SNX29: variants seen among roughly 807,000 people sequenced by gnomAD.
The protein encoded by SNX29 is sorting nexin-29.
A neutral mutation model predicts 102.1 loss-of-function variants in SNX29; 78 were observed. The ratio of observed to expected loss-of-function variants is 0.76; its 90% CI spans 0.64 to 0.92. The LOEUF (loss-of-function observed/expected upper bound fraction) is 0.92, where lower values mean the gene tolerates loss of function less well. Ranked by LOEUF, SNX29 falls within the 40% of genes least tolerant of loss-of-function variation. SNX29 has a pLI of 0.00. For missense variants in SNX29, 1,280 were observed against 1,061.7 expected, an observed-to-expected ratio of 1.21 and a Z score of -2.86; for synonymous variants, 580 against 414.5, an observed-to-expected ratio of 1.40 and a Z score of -4.85.
intron 20 of SNX29, among the ~76,000 whole-genome samples, chr16:12,537,045 C>A (rs546140321): frequency 6.6e-6 from 1 of 152,312 alleles, no homozygotes; most frequent in East Asian, 1.9e-4. Context: ...CAAGCACATT[C>A]ACTGAGCATA....
intron 18 of SNX29, among the ~76,000 whole-genome samples, chr16:12,432,351 G>T (rs910403423): frequency 6.6e-6 from 1 of 152,188 alleles, no homozygotes; most frequent in African/African-American, 2.4e-5. Flanking sequence ...ATGCATTTTT[G>T]GGGTCCAGGC....
intron 13 of SNX29, among the ~76,000 whole-genome samples, chr16:12,130,332 G>C (rs568504062): frequency 6.6e-6 from 1 of 151,628 alleles, no homozygotes; most frequent in African/African-American, 2.4e-5. Flanking sequence ...AAAATTAGCC[G>C]GGAGTGGTGA....
At chr16:12,380,870 T>C (rs867499256) in intron 16 of SNX29, among the ~76,000 whole-genome samples, 62 of 12,246 alleles carry the variant, frequency 5.1e-3, no homozygotes, top group East Asian at 0.012. Context: ...ACCCACCATC[T>C]ATCCATCCAC....
In SNX29 at chr16:12,020,185, C is replaced by T. The variant is rs182911630; in HGVS notation, c.123-7135C>T. On this transcript the variant is annotated intron_variant, in intron 3 of 20. Transcript: ENST00000566228. Reference sequence around the variant, plus strand: ...TCACCCATGCTAAAGTGCAGTGGTGCGATCCCGGCTCACTGTAGCCTCCGC... The same window carrying T: ...TCACCCATGCTAAAGTGCAGTGGTGTGATCCCGGCTCACTGTAGCCTCCGC... 2.2e-4 allele frequency among the ~76,000 whole-genome samples: 34 copies of T among 151,460 alleles called. No homozygotes were observed. In the East Asian group the frequency reaches 3.9e-3, roughly 17 times the overall value.
chr16:12,562,730 G>T (rs12929953), intron 20 of SNX29, among the ~76,000 whole-genome samples: 2 of 152,026 alleles, frequency 1.3e-5, no homozygotes, highest in Non-Finnish European at 2.9e-5. Context: ...ACTGTTTCTC[G>T]CTTTTATGGC....
chr16:12,068,639 G>A (rs1204062166), intron 9 of SNX29, among the ~76,000 whole-genome samples: 1 of 152,168 alleles, frequency 6.6e-6, no homozygotes, highest in East Asian at 1.9e-4. Context: ...CTACCTCCAG[G>A]GTTCAAGCGA....
intron 15 of SNX29, among the ~76,000 whole-genome samples, chr16:12,309,595 C>T (rs996036274): frequency 2.0e-5 from 3 of 152,134 alleles, no homozygotes; most frequent in African/African-American, 7.2e-5. Flanking sequence ...GTCCCAGAGC[C>T]CAATGTGGCA....
chr16:12,265,319 C>T (rs1233131110), intron 14 of SNX29, among the ~76,000 whole-genome samples: 1 of 152,128 alleles, frequency 6.6e-6, no homozygotes, highest in Non-Finnish European at 1.5e-5. Context: ...TGCTGGGCTC[C>T]ATCACATGAG....
At chr16:12,412,536 G>A (rs1414422407) in intron 18 of SNX29, among the ~76,000 whole-genome samples, 3 of 152,214 alleles carry the variant, frequency 2.0e-5, no homozygotes, top group African/African-American at 4.8e-5. Flanking sequence ...ACGAGAGTGT[G>A]GAATTGATGG....
chr16:12,522,404 C>G (rs939765086), intron 19 of SNX29, among the ~76,000 whole-genome samples: 1 of 152,142 alleles, frequency 6.6e-6, no homozygotes, highest in African/African-American at 2.4e-5. Flanking sequence ...CTCTTCTCTT[C>G]TTTTTATTCT....
chr16:12,484,545 C>A (rs1037348606), intron 19 of SNX29, among the ~76,000 whole-genome samples: 1 of 151,976 alleles, frequency 6.6e-6, no homozygotes, highest in Non-Finnish European at 1.5e-5. Flanking sequence ...CCCCTGGTAG[C>A]TCCCTCACCT....
chr16:12,130,156 C>T (rs2141416649), intron 13 of SNX29, among the ~76,000 whole-genome samples: 1 of 148,922 alleles, frequency 6.7e-6, no homozygotes. Context: ...AAAACCTGAG[C>T]ACACGTTCAC....
At chr16:12,309,232 G>A (rs900388181) in intron 15 of SNX29, among the ~76,000 whole-genome samples, 1 of 152,198 alleles carries the variant, frequency 6.6e-6, no homozygotes, top group Non-Finnish European at 1.5e-5. Flanking sequence ...CCTTTGGTGT[G>A]GACAGAACGC....
chr16:12,068,764 C>T (rs556754655), intron 9 of SNX29, among the ~76,000 whole-genome samples: 2 of 152,160 alleles, frequency 1.3e-5, no homozygotes, highest in African/African-American at 4.8e-5. Flanking sequence ...AGGCCGGTCT[C>T]GAACTCCTGA....
chr16:12,186,962 C>T (rs1333104007), intron 13 of SNX29, among the ~76,000 whole-genome samples: 1 of 152,210 alleles, frequency 6.6e-6, no homozygotes, highest in Non-Finnish European at 1.5e-5. Flanking sequence ...GTGGCCGGGG[C>T]TGACTGTGGC....
intron 11 of SNX29, among the ~76,000 whole-genome samples, chr16:12,115,678 G>A (rs1008959329): frequency 1.3e-5 from 2 of 152,216 alleles, no homozygotes; most frequent in Non-Finnish European, 2.9e-5. Flanking sequence ...GCTCCACTAT[G>A]CACGGTTTCA....
intron 4 of SNX29, among the ~76,000 whole-genome samples, chr16:12,032,991 A>G (rs1207943111): frequency 1.3e-5 from 2 of 152,072 alleles, no homozygotes; most frequent in South Asian, 2.1e-4. Context: ...AGTAGCTGGG[A>G]TTACAGGCGT....
chr16:12,526,334 A>C (rs545138126), intron 20 of SNX29, among the ~76,000 whole-genome samples: 1 of 152,188 alleles, frequency 6.6e-6, no homozygotes, highest in Non-Finnish European at 1.5e-5. Context: ...CAGCGGTACC[A>C]TCCAGATCGA....
chr16:12,404,819 T>C (rs2084097574), intron 18 of SNX29, among the ~76,000 whole-genome samples: 2 of 152,178 alleles, frequency 1.3e-5, no homozygotes, highest in South Asian at 4.1e-4. Context: ...TGGCCTGCAG[T>C]AGACACTCTA....
Sources: gnomAD v4.1 joint callset for allele counts (sites outside exome capture counted in the v4.1 genomes callset) on GRCh38, gnomAD v4.1.1 for gene constraint, MANE v1.5 for transcripts, NCBI Gene and HGNC (gene_info 2026-07-23, HGNC 2026-07-21) for gene names.